The following SPEG variants were observed in gnomAD, a reference collection of about 807,000 sequenced individuals.
SPEG encodes the protein striated muscle preferentially expressed protein kinase.
In SPEG, 114 loss-of-function variants were observed where a neutral mutation model predicts 300.4. The ratio of observed to expected loss-of-function variants is 0.38; its 90% confidence interval spans 0.33 to 0.44. SPEG has a LOEUF of 0.44. Among genes scored for constraint, SPEG ranks in the 20% least tolerant of loss-of-function variants. The pLI, the probability that SPEG is intolerant of heterozygous loss-of-function variation, is 1.00. For synonymous variants in SPEG, 1,964 were observed against 2,018.9 expected (o/e 0.97, Z 0.73); for missense variants, 4,201 against 4,586.2 (o/e 0.92, Z 2.43).
chr2:219,480,284 C>A lies in SPEG; in HGVS notation c.5342+144C>A. On this transcript the variant is annotated intron_variant, in intron 25 of 40. Transcript: ENST00000312358. The surrounding 1 kb of genome is among the most constrained non-coding windows in gnomAD (Gnocchi z 5.3). ...GGCATTGTTTGCAGGGTCTCCTGCCCATGTTACTCCTTGCCCCTTGTGAGT... is the reference window on the plus strand; with the variant it reads ...GGCATTGTTTGCAGGGTCTCCTGCCAATGTTACTCCTTGCCCCTTGTGAGT... 2 of 868,642 alleles carry A rather than the reference C, an allele frequency of 2.3e-6. No individual in the cohort carries two copies. The highest frequency in any genetic ancestry group is 3.5e-6 in the Non-Finnish European group (2 of 566,368). The allele number at this position is 868,642 out of a possible 1,614,324, so 53.8% of individuals were successfully genotyped here.
rs1692852475 is a variant in SPEG, at chr2:219,481,610, TC to T, written c.5523-25del. 6.2e-7 allele frequency: 1 copy of T among 1,613,474 alleles called. No homozygotes were observed. Among genetic ancestry groups the T allele is most frequent in the African/African-American group, 1.3e-5 (1 of 74,894 alleles). On this transcript the variant is annotated intron_variant, in intron 27 of 40. Coordinates refer to ENST00000312358, the MANE Select transcript of SPEG (RefSeq NM_005876.5). The surrounding 1 kb of genome is among the most constrained non-coding windows in gnomAD (Gnocchi z 5.4). ...GACTCACTGATGACTGAACGATAAA[TC>T]CCTTCTTAATCCTCATTCATTCACA...
chr2:219,493,538 C>T lies in SPEG; in HGVS notation c.*752C>T, dbSNP rs369997656. 15 of 459,818 alleles carry T rather than the reference C, an allele frequency of 3.3e-5. No individual in the cohort carries two copies. Among genetic ancestry groups the T allele is most frequent in the Non-Finnish European group, 6.1e-5 (14 of 228,246 alleles). The allele number at this position is 459,818 out of a possible 1,614,324, so 28.5% of individuals were successfully genotyped here. A position where few individuals can be genotyped will look rare whatever the true frequency, so the allele number is the denominator to read the frequency against. ...CTTTTATGAAGTTTCCCCTTCCATC[C>T]GATCCCTACTGCCCATGTTGTCCTG... On this transcript the variant is annotated 3_prime_UTR_variant, in exon 41 of 41. Transcript: ENST00000312358.
intron 9 of SPEG, 95 bp from the exon 10 acceptor site, chr2:219,467,077 CTG>C: frequency 2.2e-6 from 3 of 1,391,540 alleles, no homozygotes; most frequent in Non-Finnish European, 2.9e-6. Flanking sequence ...ATCTCTCTCT[CTG>C]TGTCTGTCTG....
rs536511202 is a variant in SPEG at position 219,491,039 on chromosome 2, A to G, written c.9385+83A>G. ...CCAGGGCTCACCCCACTTCACTTAC[A>G]TATGTGCCACTTATTGAGTGATTAC... On this transcript the variant is annotated intron_variant, in intron 38 of 40. Transcript: ENST00000312358. The G allele has an allele frequency of 8.0e-5, 80 of 1,004,232 alleles. No homozygotes were observed. The East Asian group carries it at 1.7e-3, about 22-fold the overall frequency. The allele number at this position is 1,004,232 out of a possible 1,614,324, so 62.2% of individuals were successfully genotyped here.
Position 219,490,473 on chromosome 2 carries a change from A to T in SPEG, c.8986A>T (p.Ile2996Phe), listed in dbSNP as rs766677084. The T allele has an allele frequency of 4.3e-6, 7 of 1,613,440 alleles. No individual in the cohort carries two copies. The South Asian group carries it at 7.7e-5, about 18-fold the overall frequency. The change falls in exon 37 of 41, where the codon ATC becomes TTC. Residue 2996 changes from isoleucine to phenylalanine, a missense_variant. Coordinates refer to ENST00000312358, the MANE Select transcript of SPEG (RefSeq NM_005876.5). ...CACGGGGCGAACGTTCGTGGCCAAG[A>T]TCGTGCCCTATGCTGCCGAGGGCAA... The part of the protein sequence containing the change: ...NATGRTFVAK[I>F]VPYAAEGKRR...
At chr2:219,487,390 T>G (rs1300606905) in intron 31 of SPEG, among the ~76,000 whole-genome samples, 1 of 152,146 alleles carries the variant, frequency 6.6e-6, no homozygotes, top group African/African-American at 2.4e-5. Flanking sequence ...ACAAGAGAAG[T>G]TAGTATTTAT....
At chr2:219,468,803 A>C in intron 11 of SPEG, 56 bp from the exon 12 acceptor site, 1 of 1,607,996 alleles carries the variant, frequency 6.2e-7, no homozygotes, top group East Asian at 2.2e-5. Context: ...GGGTGCACCC[A>C]GAGGGCAGGG....
Position 219,444,642 on chromosome 2 carries a change from T to G in SPEG, c.389-11T>G, listed in dbSNP as rs1308414741. 1 of 1,613,280 alleles carries G rather than the reference T, an allele frequency of 6.2e-7. No individual in the cohort carries two copies. The highest frequency in any genetic ancestry group is 1.7e-4 in the Middle Eastern group (1 of 6,056). ...GGAGGGCCCTGCCCACACAGACCCCTTCTTCTCCAGACTCAGAGACGGCTG... is the reference window on the plus strand; with the variant it reads ...GGAGGGCCCTGCCCACACAGACCCCGTCTTCTCCAGACTCAGAGACGGCTG... On this transcript the variant is annotated splice_polypyrimidine_tract_variant and intron_variant, in intron 1 of 40. Transcript: ENST00000312358. This position sits in a 1 kb window ranked among gnomAD's most constrained non-coding sequence, Gnocchi z 7.8.
chr2:219,471,117 G>T lies in SPEG; in HGVS notation c.3716-751G>T, dbSNP rs539847835. Reference sequence around the variant, plus strand: ...TGCCCATCGATGTGCAGGCGAGAGGGTTGGGGTCCTGGGAGGAGTCAGAGG... The same window carrying T: ...TGCCCATCGATGTGCAGGCGAGAGGTTTGGGGTCCTGGGAGGAGTCAGAGG... On this transcript the variant is annotated intron_variant, in intron 13 of 40. Transcript: ENST00000312358. Among the ~76,000 whole-genome samples the T allele has an allele frequency of 1.4e-3, 216 of 152,194 alleles. 1 individual carries two copies. Among genetic ancestry groups the T allele is most frequent in the Admixed American group, 7.4e-3 (113 of 15,296 alleles).
In SPEG at chr2:219,477,826, C is replaced by A. The variant is rs184830550; in HGVS notation, c.4826+41C>A. On this transcript the variant is annotated intron_variant, in intron 21 of 40. Coordinates refer to ENST00000312358, the MANE Select transcript of SPEG (RefSeq NM_005876.5). This position sits in a 1 kb window ranked among gnomAD's most constrained non-coding sequence, Gnocchi z 6.4. ...GGAAGCCAGTGGGGGCCGAGAGAGG[C>A]TGCTGGGTCTGAGGGTTGGGAGGGG... The A allele has an allele frequency of 3.3e-5, 52 of 1,591,920 alleles. No individual in the cohort carries two copies. In the African/African-American group the frequency reaches 5.8e-4, roughly 18 times the overall value.
chr2:219,463,700 C>G (rs1170743327), intron 8 of SPEG, among the ~76,000 whole-genome samples: 1 of 151,786 alleles, frequency 6.6e-6, no homozygotes, highest in Admixed American at 6.6e-5. Flanking sequence ...ACCACCGTGC[C>G]CAGCCCCCAC....
At chr2:219,467,119 C>G in intron 9 of SPEG, 55 bp from the exon 10 acceptor site, 1 of 1,518,592 alleles carries the variant, frequency 6.6e-7, no homozygotes, top group Non-Finnish European at 8.8e-7. Context: ...GTGTGTCTCC[C>G]TCACCCTGTG....
chr2:219,471,905 G>C lies in SPEG; in HGVS notation c.3753G>C (p.Gly1251=). 6.2e-7 allele frequency: 1 copy of C among 1,614,062 alleles called. No homozygotes were observed. The highest frequency in any genetic ancestry group is 8.5e-7 in the Non-Finnish European group (1 of 1,180,018). ...DVHRLVFPAV[G]PQHAGVYKSV... The stretch of plus-strand genomic sequence containing the variant: ...ATCGCTTGGTGTTCCCTGCCGTGGG[G>C]CCTCAGCACGCCGGTGTCTACAAGA... The change falls in exon 14 of 41, where the codon GGG becomes GGC. Residue 1251 remains glycine (G), a synonymous_variant. Coordinates refer to ENST00000312358, the MANE Select transcript of SPEG (RefSeq NM_005876.5).
At chr2:219,466,828 A>C in intron 9 of SPEG, 2 of 1,069,062 alleles carry the variant, frequency 1.9e-6, no homozygotes, top group South Asian at 8.5e-5. Flanking sequence ...GGAAACACCT[A>C]TTTCTTAACT....
chr2:219,485,089 G>A lies in SPEG; in HGVS notation c.7609+17G>A. 1.3e-6 allele frequency: 2 copies of A among 1,530,450 alleles called. No individual in the cohort carries two copies. Among genetic ancestry groups the A allele is most frequent in the Non-Finnish European group, 1.7e-6 (2 of 1,145,010 alleles). 94.8% of individuals were successfully genotyped at this position (1,530,450 alleles called of 1,614,324 possible). A position where few individuals can be genotyped will look rare whatever the true frequency, so the allele number is the denominator to read the frequency against. ...GCTCCTCAGGTGAGGAGGGGCAGGGGTAGGGCAGCAGGTGCAGAGGAGGGT... is the reference window on the plus strand; with the variant it reads ...GCTCCTCAGGTGAGGAGGGGCAGGGATAGGGCAGCAGGTGCAGAGGAGGGT... On this transcript the variant is annotated intron_variant, in intron 30 of 40. Transcript: ENST00000312358.
intron 36 of SPEG, among the ~76,000 whole-genome samples, chr2:219,490,152 C>G (rs1396301877): frequency 6.6e-6 from 1 of 152,234 alleles, no homozygotes; most frequent in Admixed American, 6.5e-5. Context: ...CTGAGAGACA[C>G]TGCGCTATTA....
In SPEG at chr2:219,462,405, C is replaced by T. The variant is rs1421768135; in HGVS notation, c.2705+19C>T. The T allele has an allele frequency of 3.2e-6, 5 of 1,543,936 alleles. No individual in the cohort carries two copies. Among genetic ancestry groups the T allele is most frequent in the Non-Finnish European group, 4.4e-6 (5 of 1,140,192 alleles). ...TCTCCTGGTGAGTAGCCGCACTTTCCACCACCCACCAGCGACTCTATGCCA... is the reference window on the plus strand; with the variant it reads ...TCTCCTGGTGAGTAGCCGCACTTTCTACCACCCACCAGCGACTCTATGCCA... On this transcript the variant is annotated intron_variant, in intron 8 of 40. Transcript: ENST00000312358.
Position 219,448,258 on chromosome 2 carries a change from G to A in SPEG, c.1100G>A (p.Gly367Asp). The change falls in exon 4 of 41, where the codon GGC becomes GAC. Residue 367 changes from glycine (G) to aspartate (D), a missense_variant. Physicochemically the swap from Gly to Asp is moderately conservative, Grantham distance 94 (BLOSUM62 -1). Around this residue, in one of 4 missense-constraint regions of SPEG, gnomAD observed 1,258 missense variants for 1,293.9 expected, o/e 0.97. Coordinates refer to ENST00000312358, the MANE Select transcript of SPEG (RefSeq NM_005876.5). The stretch of plus-strand genomic sequence containing the variant: ...AAGTCGTCCGGGCCCTCCCTGGCGG[G>A]CACCGCGGAATCCCGACCCCAGACG... ...KSKSSGPSLA[G>D]TAESRPQTPL... 6.2e-7 allele frequency: 1 copy of A among 1,612,184 alleles called. No homozygotes were observed. The highest frequency in any genetic ancestry group is 8.5e-7 in the Non-Finnish European group (1 of 1,179,550).
At chr2:219,454,294 C>T (rs1460647442) in intron 6 of SPEG, among the ~76,000 whole-genome samples, 1 of 152,182 alleles carries the variant, frequency 6.6e-6, no homozygotes, top group African/African-American at 2.4e-5. Context: ...CTCACCAGCT[C>T]CCCTGGTCCC....
Sources: gnomAD v4.1 joint callset for allele counts (sites outside exome capture counted in the v4.1 genomes callset) on GRCh38, gnomAD v4.1.1 for gene constraint, gnomAD v4.1.1 regional missense constraint, Gnocchi (gnomAD v3.1) non-coding constraint, MANE v1.5 for transcripts, NCBI Gene and HGNC (gene_info 2026-07-23, HGNC 2026-07-21) for gene names.